Variants in EYS observed in about 807,000 individuals in gnomAD.
EYS encodes the protein EGF-like photoreceptor maintenance factor.
A neutral mutation model predicts 282.1 loss-of-function variants in EYS; 250 were observed. That is an observed-to-expected ratio of 0.89 (90% CI 0.80 to 0.98). EYS has a LOEUF of 0.98. Among genes scored for constraint, EYS ranks in the 50% least tolerant of loss-of-function variants. EYS has a pLI of 0.00. For missense variants in EYS, 4,016 were observed against 3,709.0 expected, an observed-to-expected ratio of 1.08 and a Z score of -2.15; for synonymous variants, 1,355 against 1,282.9, an observed-to-expected ratio of 1.06 and a Z score of -1.20.
At chr6:65,691,366 C>A (rs547437452) in intron 1 of EYS, among the ~76,000 whole-genome samples, 1 of 150,126 alleles carries the variant, frequency 6.7e-6, no homozygotes, top group South Asian at 2.1e-4. Context: ...AATTGTTGGC[C>A]GCATAAATAT....
intron 7 of EYS, among the ~76,000 whole-genome samples, chr6:65,384,804 T>G (rs916510272): frequency 8.2e-6 from 1 of 121,546 alleles, no homozygotes; most frequent in Non-Finnish European, 1.9e-5. Flanking sequence ...TAGTGAAATA[T>G]GAAGAAAAAA....
At chr6:64,298,982 T>G (rs1769134139) in intron 30 of EYS, among the ~76,000 whole-genome samples, 1 of 152,098 alleles carries the variant, frequency 6.6e-6, no homozygotes, top group South Asian at 2.1e-4. Flanking sequence ...AGCAAGAAGA[T>G]ATAACAACAT....
chr6:64,432,552 T>C (rs1446374444), intron 28 of EYS, among the ~76,000 whole-genome samples: 1 of 150,752 alleles, frequency 6.6e-6, no homozygotes, highest in Non-Finnish European at 1.5e-5. Flanking sequence ...TAATGTAATA[T>C]ATATTATAGT....
intron 22 of EYS, among the ~76,000 whole-genome samples, chr6:64,806,322 A>G (rs1007567899): frequency 1.3e-5 from 2 of 151,956 alleles, no homozygotes; most frequent in African/African-American, 4.8e-5. Flanking sequence ...TGTAACCATC[A>G]TAAGTTACCT....
intron 1 of EYS, among the ~76,000 whole-genome samples, chr6:65,686,124 T>C (rs1052499943): frequency 1.3e-5 from 2 of 152,008 alleles, no homozygotes; most frequent in African/African-American, 2.4e-5. Flanking sequence ...CAGATGCAGG[T>C]ATAAAACAAA....
At chr6:64,982,333 T>A (rs1178460799) in intron 14 of EYS, among the ~76,000 whole-genome samples, 1 of 151,422 alleles carries the variant, frequency 6.6e-6, no homozygotes, top group East Asian at 1.9e-4. Context: ...TATTCGTGAA[T>A]CAATTATAAT....
intron 2 of EYS, among the ~76,000 whole-genome samples, chr6:65,594,251 T>A (rs1021825165): frequency 6.6e-6 from 1 of 152,014 alleles, no homozygotes; most frequent in East Asian, 1.9e-4. Context: ...ACAATATCCC[T>A]GTGAGATGAG....
rs1259012433 is a variant in EYS, at chr6:64,475,422, G to A, written c.5645-36070C>T. Among the ~76,000 whole-genome samples, 4 of 119,598 alleles carry A rather than the reference G, an allele frequency of 3.3e-5. 2 individuals carry two copies. In the East Asian group the frequency reaches 1.2e-3, roughly 37 times the overall value. 78.5% of individuals were successfully genotyped at this position (119,598 alleles called of 152,430 possible). A position where few individuals can be genotyped will look rare whatever the true frequency, so the allele number is the denominator to read the frequency against. On this transcript the variant is annotated intron_variant, in intron 26 of 42. Coordinates refer to ENST00000503581, the MANE Select transcript of EYS (RefSeq NM_001142800.2). ...AAAAATTAGCCGGGCGTAGTGGCGG[G>A]CGCCTGTAGTCCCAGCTACTTGGGA...
At chr6:65,061,002 C>T (rs1314185945) in intron 12 of EYS, among the ~76,000 whole-genome samples, 1 of 151,668 alleles carries the variant, frequency 6.6e-6, no homozygotes, top group East Asian at 1.9e-4. Context: ...CATTTTCAAT[C>T]CTGTTTAGGA....
chr6:63,751,273 C>A (rs1181225706), intron 41 of EYS, among the ~76,000 whole-genome samples: 2 of 152,066 alleles, frequency 1.3e-5, no homozygotes, highest in East Asian at 1.9e-4. Context: ...TACCAAATTG[C>A]AGGATTCTTA....
intron 19 of EYS, among the ~76,000 whole-genome samples, chr6:64,848,209 G>A (rs1299248130): frequency 2.6e-5 from 4 of 151,964 alleles, no homozygotes; most frequent in Non-Finnish European, 4.4e-5. Context: ...AGATAATTGA[G>A]TGATTGGCTC....
At chr6:64,766,649 A>AAATATATATATATAT (rs1387919586) in intron 22 of EYS, among the ~76,000 whole-genome samples, 1 of 19,064 alleles carries the variant, frequency 5.2e-5, no homozygotes, top group African/African-American at 1.8e-4. Flanking sequence ...AAAAAAAAAA[A>AAATATATATATATAT]ATATATATAT....
chr6:65,600,413 C>T (rs1229129650), intron 2 of EYS, among the ~76,000 whole-genome samples: 2 of 152,078 alleles, frequency 1.3e-5, no homozygotes, highest in East Asian at 1.9e-4. Context: ...ATGTAACATA[C>T]CTCATGGATA....
chr6:64,928,030 G>A (rs919250530), intron 15 of EYS, among the ~76,000 whole-genome samples: 1 of 151,954 alleles, frequency 6.6e-6, no homozygotes, highest in Non-Finnish European at 1.5e-5. Flanking sequence ...TGGGTTCAGT[G>A]GTAGTTACAC....
intron 12 of EYS, among the ~76,000 whole-genome samples, chr6:65,130,780 A>G (rs6902303): frequency 1.8e-4 from 27 of 150,900 alleles, no homozygotes; most frequent in Non-Finnish European, 3.0e-4. Flanking sequence ...CAAACGGCAC[A>G]TGTACCCTGG....
At chr6:65,452,334 T>C (rs1764435913) in intron 5 of EYS, among the ~76,000 whole-genome samples, 1 of 151,840 alleles carries the variant, frequency 6.6e-6, no homozygotes, top group Non-Finnish European at 1.5e-5. Context: ...AAAGATTTTT[T>C]TTTTTACAAA....
intron 26 of EYS, among the ~76,000 whole-genome samples, chr6:64,573,475 A>T (rs538300621): frequency 6.6e-6 from 1 of 152,306 alleles, no homozygotes; most frequent in South Asian, 2.1e-4. Flanking sequence ...AGAAACTATC[A>T]TCAGAGTGAA....
At chr6:64,909,840 T>A (rs2150075402) in intron 16 of EYS, among the ~76,000 whole-genome samples, 1 of 152,306 alleles carries the variant, frequency 6.6e-6, no homozygotes, top group South Asian at 2.1e-4. Flanking sequence ...CTGCTAAGCA[T>A]GCAGTCTGAC....
chr6:64,531,479 C>T (rs936705383), intron 26 of EYS, among the ~76,000 whole-genome samples: 5 of 151,036 alleles, frequency 3.3e-5, no homozygotes, highest in East Asian at 1.9e-4. Context: ...CTCCGCCTCC[C>T]GGATTCACGC....
Sources: allele counts gnomAD v4.1 joint callset (sites outside exome capture counted in the v4.1 genomes callset), GRCh38; gene constraint gnomAD v4.1.1; transcripts MANE v1.5; gene names NCBI Gene and HGNC (gene_info 2026-07-23, HGNC 2026-07-21).